Variants in SEMA3A observed in about 807,000 individuals in gnomAD.
The protein encoded by SEMA3A is semaphorin 3A, also known as semaphorin-3A.
Under a neutral mutation model 97.9 loss-of-function variants are expected in SEMA3A, and 29 were observed. The observed-to-expected ratio is 0.30, with a 90% CI of 0.22 to 0.40. The LOEUF is 0.40. SEMA3A is among the 10% of genes least tolerant of loss of function. The pLI is 1.00. For synonymous variants in SEMA3A, 321 were observed against 323.7 expected (o/e 0.99, Z 0.09); for missense variants, 763 against 951.3 (o/e 0.80, Z 2.60).
At chr7:84,314,066 GA>G (rs1469579284) in intron 2 of SEMA3A, among the ~76,000 whole-genome samples, 1 of 152,028 alleles carries the variant, frequency 6.6e-6, no homozygotes, top group African/African-American at 2.4e-5. Context: ...TATGGTGAGT[GA>G]AAATGGATTA....
chr7:84,306,891 T>C (rs1562895535), intron 3 of SEMA3A, among the ~76,000 whole-genome samples: 1 of 152,054 alleles, frequency 6.6e-6, no homozygotes, highest in Non-Finnish European at 1.5e-5. Flanking sequence ...CTATCTCTGC[T>C]CTGTGGCTCC....
chr7:84,418,244 G>T lies in SEMA3A; in HGVS notation c.-245-46344C>A, dbSNP rs576968262. Reference sequence around the variant, plus strand: ...GTTTAATTGACACACAGTTCCACCTGACTGGAAGGCTTCACAATGATGACA... The same window carrying T: ...GTTTAATTGACACACAGTTCCACCTTACTGGAAGGCTTCACAATGATGACA... On this transcript the variant is annotated intron_variant, in intron 1 of 3. Coordinates refer to the SEMA3A transcript ENST00000424555. Among the ~76,000 whole-genome samples the T allele has an allele frequency of 3.3e-5, 5 of 152,216 alleles. No homozygotes were observed. In the South Asian group the frequency reaches 1.0e-3, roughly 32 times the overall value.
chr7:84,323,835 C>G (rs954496907), intron 2 of SEMA3A, among the ~76,000 whole-genome samples: 1 of 152,112 alleles, frequency 6.6e-6, no homozygotes, highest in Non-Finnish European at 1.5e-5. Context: ...TTATAACAGA[C>G]AGTAATATCC....
intron 4 of SEMA3A, among the ~76,000 whole-genome samples, chr7:84,068,424 TA>T (rs35381075): frequency 0.083 from 9,280 of 111,366 alleles, 363 homozygotes; most frequent in East Asian, 0.2. Context: ...AAAGTATAAT[TA>T]AAAAAAAAAA....
chr7:84,046,239 T>C lies in SEMA3A; in HGVS notation c.667+85A>G, dbSNP rs185797803. ...TAACTGCACAATAAATTTCAAGTCA[T>C]ATTGCATGTACTGTAAAAGAGTTCT... On this transcript the variant is annotated intron_variant, in intron 6 of 16. Coordinates refer to ENST00000265362, the MANE Select transcript of SEMA3A (RefSeq NM_006080.3). 64 of 1,456,692 alleles carry C rather than the reference T, an allele frequency of 4.4e-5. No homozygotes were observed. In the Admixed American group the frequency reaches 8.0e-4, roughly 18 times the overall value. 90.2% of individuals were successfully genotyped at this position (1,456,692 alleles called of 1,614,324 possible).
intron 1 of SEMA3A, among the ~76,000 whole-genome samples, chr7:84,474,995 A>G (rs1806244246): frequency 6.6e-6 from 1 of 152,132 alleles, no homozygotes. Context: ...ATGAAGAAAA[A>G]AAAGTGAAAC....
At chr7:84,329,437 G>A (rs1366062254) in intron 2 of SEMA3A, among the ~76,000 whole-genome samples, 1 of 151,922 alleles carries the variant, frequency 6.6e-6, no homozygotes, top group Non-Finnish European at 1.5e-5. Flanking sequence ...TATTGTTAGT[G>A]TTAATATATT....
chr7:84,285,254 T>C (rs1800549538), intron 3 of SEMA3A, among the ~76,000 whole-genome samples: 1 of 152,082 alleles, frequency 6.6e-6, no homozygotes, highest in African/African-American at 2.4e-5. Context: ...AGCAGGTGCC[T>C]AAAAAACTGT....
In SEMA3A at chr7:83,963,199, CT is replaced by C; in HGVS notation, c.1860+5del. On this transcript the variant is annotated splice_donor_5th_base_variant and intron_variant, in intron 16 of 16. Coordinates refer to ENST00000265362, the MANE Select transcript of SEMA3A (RefSeq NM_006080.3). ...ATAAATGATCCAGTCAGTTTCATTC[CT>C]GTACCTCTTCTTTTCGCTCTTCATT... The C allele has an allele frequency of 6.2e-7, 1 of 1,612,514 alleles. No homozygotes were observed. Among genetic ancestry groups the C allele is most frequent in the Non-Finnish European group, 8.5e-7 (1 of 1,179,900 alleles).
In SEMA3A at chr7:84,300,028, G is replaced by C. The variant is rs538455787; in HGVS notation, c.-83+7179C>G. ...GCCTGGGTGACAAGAGTGAGACTCA[G>C]TCACAAAAAAAAAAAAAAAAAAAGA... On this transcript the variant is annotated intron_variant, in intron 3 of 3. Transcript: ENST00000424555. Among the ~76,000 whole-genome samples the C allele has an allele frequency of 9.1e-5, 9 of 99,344 alleles. No homozygotes were observed. The South Asian group carries it at 3.1e-3, about 34-fold the overall frequency. The allele number at this position is 99,344 out of a possible 152,430, so 65.2% of individuals were successfully genotyped here.
At chr7:84,362,787 A>G (rs78432774) in intron 2 of SEMA3A, among the ~76,000 whole-genome samples, 1,770 of 152,134 alleles carry the variant, frequency 0.012, 18 homozygotes, top group Non-Finnish European at 0.018. Flanking sequence ...GGCAGAATAA[A>G]GATAAAAATG....
chr7:84,004,376 T>C (rs1193365030), intron 11 of SEMA3A, among the ~76,000 whole-genome samples: 2 of 152,180 alleles, frequency 1.3e-5, no homozygotes, highest in African/African-American at 4.8e-5. Context: ...TAAATGTCCA[T>C]AGAAATGTAT....
intron 1 of SEMA3A, among the ~76,000 whole-genome samples, chr7:84,145,639 C>T (rs1796441819): frequency 6.6e-6 from 1 of 152,020 alleles, no homozygotes; most frequent in South Asian, 2.1e-4. Flanking sequence ...TCTATGTGCT[C>T]AGCACTGTTA....
chr7:84,194,646 G>C lies in SEMA3A; in HGVS notation c.-60C>G. On this transcript the variant is annotated 5_prime_UTR_variant, in exon 1 of 17. Coordinates refer to ENST00000265362, the MANE Select transcript of SEMA3A (RefSeq NM_006080.3). Reference sequence around the variant, plus strand: ...TCTTCCTTCCTGTATTGTGCGGCCAGAGAAGTTCAAACAATCTGGAAACTG... The same window carrying C: ...TCTTCCTTCCTGTATTGTGCGGCCACAGAAGTTCAAACAATCTGGAAACTG... The C allele has an allele frequency of 9.2e-7, 1 of 1,083,500 alleles. No individual in the cohort carries two copies. Among genetic ancestry groups the C allele is most frequent in the Non-Finnish European group, 1.4e-6 (1 of 709,532 alleles). 67.1% of individuals were successfully genotyped at this position (1,083,500 alleles called of 1,614,324 possible).
chr7:84,031,800 C>T (rs575043977), intron 6 of SEMA3A, among the ~76,000 whole-genome samples: 1 of 152,186 alleles, frequency 6.6e-6, no homozygotes, highest in Non-Finnish European at 1.5e-5. Context: ...TGCGCCATTG[C>T]ACTCCAGCCT....
At chr7:84,395,978 T>A (rs1629411) in intron 1 of SEMA3A, among the ~76,000 whole-genome samples, 17,477 of 152,054 alleles carry the variant, frequency 0.11, 1,894 homozygotes, top group African/African-American at 0.27. Context: ...AGGAAACAAT[T>A]CATTGCATTA....
At chr7:84,214,335 C>T (rs1041527059) in intron 3 of SEMA3A, among the ~76,000 whole-genome samples, 3 of 152,004 alleles carry the variant, frequency 2.0e-5, no homozygotes, top group Admixed American at 6.6e-5. Context: ...TTGTATGTCT[C>T]GTTAGATAAT....
At chr7:84,445,297 C>T (rs1387902431) in intron 1 of SEMA3A, among the ~76,000 whole-genome samples, 2 of 151,122 alleles carry the variant, frequency 1.3e-5, no homozygotes, top group African/African-American at 4.9e-5. Context: ...CAAGGCCATC[C>T]TGGCTAACAT....
At chr7:84,200,453 T>C (rs1157679806) in intron 3 of SEMA3A, among the ~76,000 whole-genome samples, 2 of 152,084 alleles carry the variant, frequency 1.3e-5, no homozygotes, top group East Asian at 3.9e-4. Context: ...TTTTATTAGG[T>C]TGGTAAGTTT....
Sources: allele counts gnomAD v4.1 joint callset (sites outside exome capture counted in the v4.1 genomes callset), GRCh38; gene constraint gnomAD v4.1.1; transcripts MANE v1.5; gene names NCBI Gene and HGNC (gene_info 2026-07-23, HGNC 2026-07-21).